Variants in SSC5D observed in about 807,000 individuals in gnomAD.
SSC5D encodes soluble scavenger receptor cysteine-rich domain-containing protein SSC5D.
SSC5D carries 106 observed loss-of-function variants against 104.6 expected under a neutral mutation model. The observed-to-expected ratio is 1.01, with a 90% CI of 0.87 to 1.19. The LOEUF (loss-of-function observed/expected upper bound fraction) is 1.19, where lower values mean the gene tolerates loss of function less well. Among genes scored for constraint, SSC5D ranks in the 50% most tolerant of loss-of-function variants. The probability of loss-of-function intolerance (pLI) is 0.00; values close to 1 mark genes in which losing one functional copy is unlikely to be tolerated. For missense variants in SSC5D, 1,993 were observed against 2,153.8 expected (o/e 0.93, Z 1.48); for synonymous variants, 860 against 883.5 (o/e 0.97, Z 0.47).
chr19:55,514,456 A>G (rs373031424), intron 13 of SSC5D, among the ~76,000 whole-genome samples: 10,442 of 38,000 alleles, frequency 0.27, 974 homozygotes, highest in East Asian at 0.48. Context: ...AATAATAATA[A>G]TAGGTGTGGT....
rs1023679066 is a variant in SSC5D, at chr19:55,519,085, A to G, written c.*87A>G. Reference sequence around the variant, plus strand: ...ACCCCCAAAGTATCTAATTAAAAACAAGGTGTGAATGGTATTTTTGGGGAA... The same window carrying G: ...ACCCCCAAAGTATCTAATTAAAAACGAGGTGTGAATGGTATTTTTGGGGAA... On this transcript the variant is annotated 3_prime_UTR_variant, in exon 14 of 14. Coordinates refer to ENST00000389623, the MANE Select transcript of SSC5D (RefSeq NM_001144950.2). The G allele has an allele frequency of 1.4e-6, 2 of 1,381,478 alleles. No homozygotes were observed. The allele number at this position is 1,381,478 out of a possible 1,614,324, so 85.6% of individuals were successfully genotyped here. A position where few individuals can be genotyped will look rare whatever the true frequency, so the allele number is the denominator to read the frequency against.
Position 55,490,986 on chromosome 19 carries a change from TGGA to T in SSC5D, c.809_811del (p.Gly270del), listed in dbSNP as rs1324948509. ...CCGTGTGGATGGACGATGTGGGGTG[TGGA>T]GGAGGAGAACAGGCCCTCCGAGACT... On this transcript the variant is annotated inframe_deletion, in exon 6 of 14. Transcript: ENST00000389623. The T allele has an allele frequency of 5.8e-6, 9 of 1,548,588 alleles. No individual in the cohort carries two copies. The highest frequency in any genetic ancestry group is 2.0e-5 in the Admixed American group (1 of 50,648).
chr19:55,499,385 G>T (rs1201695719), intron 9 of SSC5D, among the ~76,000 whole-genome samples: 1 of 152,236 alleles, frequency 6.6e-6, no homozygotes, highest in Non-Finnish European at 1.5e-5. Flanking sequence ...GGCCACGGGG[G>T]CACCACAGAA....
chr19:55,505,463 G>A (rs1987619107), intron 12 of SSC5D, among the ~76,000 whole-genome samples: 1 of 151,800 alleles, frequency 6.6e-6, no homozygotes, highest in Non-Finnish European at 1.5e-5. Context: ...AAATTTAGTG[G>A]TTTAAAACAA....
At chr19:55,490,152 C>T (rs540623275) in intron 4 of SSC5D, 146 bp from the exon 5 acceptor site, 136 of 611,966 alleles carry the variant, frequency 2.2e-4, no homozygotes, top group Admixed American at 9.4e-4. Context: ...AGGGGACACA[C>T]AGCCCGCCCC....
At chr19:55,497,813 G>A (rs1174057905) in intron 8 of SSC5D, 67 bp from the exon 9 acceptor site, 7 of 1,316,520 alleles carry the variant, frequency 5.3e-6, no homozygotes, top group Admixed American at 6.1e-5. Context: ...GGAGGGAAAG[G>A]TGGATGAAGA....
At chr19:55,490,079 C>T in intron 4 of SSC5D, 84 bp downstream of exon 4, 1 of 660,732 alleles carries the variant, frequency 1.5e-6, no homozygotes, top group Non-Finnish European at 2.1e-6. Context: ...CCCTGCCAAC[C>T]CCCACCCAGC....
intron 12 of SSC5D, chr19:55,504,412 C>A: frequency 2.6e-6 from 3 of 1,158,870 alleles, no homozygotes; most frequent in Non-Finnish European, 3.4e-6. Flanking sequence ...GGAGACGAGG[C>A]AGGCATGCAT....
intron 6 of SSC5D, chr19:55,492,879 TAGC>T (rs1987191049): frequency 1.3e-5 from 2 of 149,062 alleles, no homozygotes; most frequent in African/African-American, 2.5e-5. Context: ...AAAAAAAAAA[TAGC>T]AGGGCATGGT....
At chr19:55,489,849 C>G in intron 3 of SSC5D, 33 bp from the exon 4 acceptor site, 1 of 1,537,180 alleles carries the variant, frequency 6.5e-7, no homozygotes, top group East Asian at 2.4e-5. Flanking sequence ...CCCTCCTCTC[C>G]TCATAGCTTC....
At chr19:55,496,045 G>A (rs1474186553) in intron 8 of SSC5D, among the ~76,000 whole-genome samples, 1 of 152,026 alleles carries the variant, frequency 6.6e-6, no homozygotes, top group Admixed American at 6.5e-5. Flanking sequence ...CAGGTGCAGG[G>A]GTCTTTCTTG....
chr19:55,515,195 A>G (rs992215684), intron 13 of SSC5D, among the ~76,000 whole-genome samples: 3 of 151,474 alleles, frequency 2.0e-5, no homozygotes, highest in African/African-American at 7.3e-5. Flanking sequence ...GGGGTTCAAG[A>G]CTAGCCTGAA....
At chr19:55,493,348 G>A (rs563442532) in intron 6 of SSC5D, among the ~76,000 whole-genome samples, 22 of 150,782 alleles carry the variant, frequency 1.5e-4, no homozygotes, top group African/African-American at 5.1e-4. Flanking sequence ...TGGATCCAGG[G>A]GACCAGAGCC....
intron 6 of SSC5D, among the ~76,000 whole-genome samples, 181 bp from the exon 7 acceptor site, chr19:55,493,414 C>T (rs906891939): frequency 1.3e-5 from 2 of 152,214 alleles, no homozygotes; most frequent in Non-Finnish European, 2.9e-5. Context: ...ATGGGGGATG[C>T]GCCAGAGTTG....
rs1568479500 is a variant in SSC5D at position 55,500,284 on chromosome 19, C to A, written c.2174C>A (p.Thr725Asn). The A allele has an allele frequency of 5.8e-6, 9 of 1,551,558 alleles. No individual in the cohort carries two copies. The highest frequency in any genetic ancestry group is 7.8e-6 in the Non-Finnish European group (9 of 1,146,974). ...MLTTQGPQEM[T>N]SESTIKSIPQ... is the part of the protein sequence containing the mutation. ...ACCACTCAAGGCCCCCAAGAAATGA[C>A]CTCTGAGTCCACTATCAAGAGTATC... The change falls in exon 10 of 14, where the codon ACC becomes AAC. Residue 725 changes from threonine (T) to asparagine (N), a missense_variant. Physicochemically the swap from Thr to Asn is moderately conservative, Grantham distance 65. Around this residue, in one of 6 missense-constraint regions of SSC5D, gnomAD observed 1,101 missense variants for 1,085.0 expected, o/e 1.01. Coordinates refer to ENST00000389623, the MANE Select transcript of SSC5D (RefSeq NM_001144950.2). The surrounding 1 kb of genome is among the most constrained non-coding windows in gnomAD (Gnocchi z 4.6).
At chr19:55,510,565 T>G (rs138452195) in intron 12 of SSC5D, among the ~76,000 whole-genome samples, 2,763 of 150,816 alleles carry the variant, frequency 0.018, 32 homozygotes, top group Non-Finnish European at 0.03. Context: ...GTCAGGCTAG[T>G]CTCAAACTCC....
intron 8 of SSC5D, among the ~76,000 whole-genome samples, chr19:55,496,149 G>A (rs951971849): frequency 6.6e-6 from 1 of 152,044 alleles, no homozygotes; most frequent in Non-Finnish European, 1.5e-5. Context: ...GGAGGGTGGC[G>A]ACTCAGAGGG....
chr19:55,515,396 CAAAA>C (rs71181781), intron 13 of SSC5D, among the ~76,000 whole-genome samples: 2 of 86,582 alleles, frequency 2.3e-5, no homozygotes, highest in East Asian at 3.4e-4. Flanking sequence ...AACTCCGTCT[CAAAA>C]AAAAAAAAAA....
intron 12 of SSC5D, among the ~76,000 whole-genome samples, chr19:55,508,448 C>T (rs1987686252): frequency 6.6e-6 from 1 of 152,146 alleles, no homozygotes; most frequent in Non-Finnish European, 1.5e-5. Flanking sequence ...ACACTCCCTT[C>T]CTCCCCATGC....
Sources: allele counts gnomAD v4.1 joint callset (sites outside exome capture counted in the v4.1 genomes callset), GRCh38; gene constraint gnomAD v4.1.1; regional missense constraint gnomAD v4.1.1; non-coding constraint Gnocchi (gnomAD v3.1); transcripts MANE v1.5; gene names NCBI Gene and HGNC (gene_info 2026-07-23, HGNC 2026-07-21).